Variants in ABCA2 observed in about 807,000 individuals in gnomAD.
ABCA2 encodes the protein ATP-binding cassette sub-family A member 2.
Under a neutral mutation model 262.8 loss-of-function variants are expected in ABCA2, and 84 were observed. The ratio of observed to expected loss-of-function variants is 0.32; its 90% CI spans 0.27 to 0.38. The LOEUF (loss-of-function observed/expected upper bound fraction) is 0.38. Among genes scored for constraint, ABCA2 ranks in the 10% least tolerant of loss-of-function variants. The pLI is 1.00. For missense variants in ABCA2, 2,662 were observed against 3,405.9 expected, an observed-to-expected ratio of 0.78 and a Z score of 5.44; for synonymous variants, 1,696 against 1,502.9, an observed-to-expected ratio of 1.13 and a Z score of -2.97.
chr9:137,012,738 G>C lies in ABCA2; in HGVS notation c.5055C>G (p.Phe1685Leu). ...TGHNVSEYLL[F>L]TSDRFRLHRY... is the part of the protein sequence containing the mutation. ...GGTGCAGTCGGAAGCGGTCGGAGGT[G>C]AAGAGCAGGTACTCAGAGACATTGT... Residue 1685 changes from phenylalanine (F) to leucine (L), a missense_variant, in exon 31 of 49, where the codon TTC becomes TTG. Phe to Leu is a conservative substitution (Grantham distance 22). This residue lies in a region of ABCA2 where 602 missense variants were observed against 897.4 expected (regional missense o/e 0.67). Transcript: ENST00000341511. The C allele has an allele frequency of 6.2e-7, 1 of 1,612,664 alleles. No individual in the cohort carries two copies. Among genetic ancestry groups the C allele is most frequent in the South Asian group, 1.1e-5 (1 of 91,080 alleles).
chr9:137,007,930 C>T lies in ABCA2; in HGVS notation c.7310G>A (p.Ter2437=), dbSNP rs1453419092. Reference sequence around the variant, plus strand: ...CCTCCCTGGCCCAGCTCTGGGTGGTCAGCAGAGCGTGTCCGTGTTGAAGGA... The same window carrying T: ...CCTCCCTGGCCCAGCTCTGGGTGGTTAGCAGAGCGTGTCCGTGTTGAAGGA... The part of the protein sequence containing the change: ...QLSFNTDTLC[*] Residue 2437 remains the stop codon, a stop_retained_variant, in exon 49 of 49, where the codon TGA becomes TAA. Coordinates refer to ENST00000341511, the MANE Select transcript of ABCA2 (RefSeq NM_001606.5). 5.0e-6 allele frequency: 8 copies of T among 1,605,674 alleles called. No homozygotes were observed. Among genetic ancestry groups the T allele is most frequent in the South Asian group, 1.1e-5 (1 of 91,024 alleles).
In ABCA2 at chr9:137,011,322, C is replaced by T. The variant is rs199568774; in HGVS notation, c.5800-13G>A. ...CAACCTTCAGGTCCTGCGGGGTGGC[C>T]GGGGTCAGGGGCACAGGGGTGGCCG... is the stretch of plus-strand genomic sequence containing the variant. On this transcript the variant is annotated splice_polypyrimidine_tract_variant and intron_variant, in intron 37 of 48. Transcript: ENST00000341511. The surrounding 1 kb of genome is among the most constrained non-coding windows in gnomAD (Gnocchi z 8.8). 3.0e-5 allele frequency: 48 copies of T among 1,596,164 alleles called. No individual in the cohort carries two copies. Among genetic ancestry groups the T allele is most frequent in the African/African-American group, 1.5e-4 (11 of 74,628 alleles).
chr9:137,024,167 T>G lies in ABCA2; in HGVS notation c.136A>C (p.Lys46Gln), dbSNP rs772050630. Reference sequence around the variant, plus strand: ...CCTTCCTTCACGGAGATGGTGGGCTTCTTCTGTCGCAGCCCCAGCAGGATA... The same window carrying G: ...CCTTCCTTCACGGAGATGGTGGGCTGCTTCTGTCGCAGCCCCAGCAGGATA... The part of the protein sequence containing the change: ...FFILLGLRQK[K>Q]PTISVKEVSF... Residue 46 changes from lysine to glutamine, a missense_variant, in exon 2 of 49, where the codon AAG (lysine) becomes CAG (glutamine). Around this residue, in one of 12 missense-constraint regions of ABCA2, gnomAD observed 101 missense variants for 152.3 expected, o/e 0.66. Coordinates refer to ENST00000341511, the MANE Select transcript of ABCA2 (RefSeq NM_001606.5). The G allele has an allele frequency of 4.3e-6, 7 of 1,611,328 alleles. No individual in the cohort carries two copies. Among genetic ancestry groups the G allele is most frequent in the East Asian group, 2.2e-5 (1 of 44,838 alleles).
Position 137,012,061 on chromosome 9 carries a change from T to C in ABCA2, c.5360+41A>G, listed in dbSNP as rs2271863. 0.7 allele frequency: 1,130,198 copies of C among 1,612,036 alleles called. 397,819 individuals carry two copies. Among genetic ancestry groups the C allele is most frequent in the East Asian group, 0.81 (36,326 of 44,856 alleles). On this transcript the variant is annotated intron_variant, in intron 34 of 48. Coordinates refer to ENST00000341511, the MANE Select transcript of ABCA2 (RefSeq NM_001606.5). Reference sequence around the variant, plus strand: ...TCAGTCCTCACGGCCGGGGCTGCAGTGCCCACCTGCCCCACCTCATCCCCC... The same window carrying C: ...TCAGTCCTCACGGCCGGGGCTGCAGCGCCCACCTGCCCCACCTCATCCCCC...
At position 137,016,088 on chromosome 9, in the gene ABCA2, C is replaced by T; in HGVS notation, c.3191G>A (p.Arg1064His). 1 of 1,612,860 alleles carries T rather than the reference C, an allele frequency of 6.2e-7. No individual in the cohort carries two copies. The highest frequency in any genetic ancestry group is 8.5e-7 in the Non-Finnish European group (1 of 1,180,006). The change falls in exon 22 of 49, where the codon CGC (arginine) becomes CAC (histidine). Residue 1064 changes from arginine (R) to histidine (H), a missense_variant. Arg to His is a conservative substitution (Grantham distance 29). Around this residue, in one of 12 missense-constraint regions of ABCA2, gnomAD observed 180 missense variants for 307.3 expected, o/e 0.59. Transcript: ENST00000341511. Reference protein sequence around the residue: ...HDIRTEMDEIRKNLGMCPQHN... With the variant: ...HDIRTEMDEIHKNLGMCPQHN... ...CTGCGGGCACATGCCCAGGTTCTTG[C>T]GGATCTCATCCATCTCCGTGCGGAT...
chr9:137,024,673 C>T (rs150995846), intron 1 of ABCA2, among the ~76,000 whole-genome samples: 3 of 152,374 alleles, frequency 2.0e-5, no homozygotes, highest in African/African-American at 7.2e-5. Context: ...TTCCTCCCCA[C>T]CAATACCGGG....
chr9:137,028,909 G>A (rs1254758859), upstream of ABCA2: 2 of 1,291,874 alleles, frequency 1.5e-6, no homozygotes, highest in Non-Finnish European at 2.0e-6. The surrounding 1 kb of genome is among the most constrained non-coding windows in gnomAD (Gnocchi z 6.9). Flanking sequence ...GGGAGTTCGG[G>A]ATCAGGCGGT....
At chr9:137,023,969 C>T (rs1831566135) in intron 2 of ABCA2, 129 bp from the exon 3 acceptor site, 13 of 1,528,366 alleles carry the variant, frequency 8.5e-6, no homozygotes, top group Admixed American at 4.0e-5. Flanking sequence ...CACAGGCCAG[C>T]CCCGACCTCC....
rs766100660 is a variant in ABCA2 at position 137,023,604 on chromosome 9, G to A, written c.163+234C>T. ...AGGCAAGGCCAGGCAGAGAGATGCC[G>A]CCTCAGCTTGACCCAGGCACCAGCT... On this transcript the variant is annotated intron_variant, in intron 3 of 48. Coordinates refer to ENST00000341511, the MANE Select transcript of ABCA2 (RefSeq NM_001606.5). 3.0e-5 allele frequency: 22 copies of A among 723,592 alleles called. 1 individual carries two copies. Among genetic ancestry groups the A allele is most frequent in the South Asian group, 1.6e-4 (11 of 69,766 alleles). The allele number at this position is 723,592 out of a possible 1,614,324, so 44.8% of individuals were successfully genotyped here. A position where few individuals can be genotyped will look rare whatever the true frequency, so the allele number is the denominator to read the frequency against.
rs369852558 is a variant in ABCA2, at chr9:137,010,185, C to A, written c.6353+8G>T. 60 of 1,598,950 alleles carry A rather than the reference C, an allele frequency of 3.8e-5. No homozygotes were observed. In the East Asian group the frequency reaches 7.4e-4, roughly 20 times the overall value. ...GGCGGCCCCGCCCACCCAGGGCTCC[C>A]GCCCCACCTGTGTCCATTGACGAAG... is the stretch of plus-strand genomic sequence containing the variant. On this transcript the variant is annotated splice_region_variant and intron_variant, in intron 41 of 48. Transcript: ENST00000341511.
rs773901290 is a variant in ABCA2, at chr9:137,013,273, C to A, written c.4596G>T (p.Thr1532=). ...CACCCACCCCCGACGGCAGCCGGAACGTGCTCACGAGCTGCTGGGGGCTGG... is the reference window on the plus strand; with the variant it reads ...CACCCACCCCCGACGGCAGCCGGAAAGTGCTCACGAGCTGCTGGGGGCTGG... ...PDASPQQLVS[T]FRLPSGVGAT... is the part of the protein sequence containing the mutation. The change falls in exon 30 of 49, where the codon ACG becomes ACT. Residue 1532 remains threonine, a synonymous_variant. Transcript: ENST00000341511. The A allele has an allele frequency of 5.0e-6, 8 of 1,587,030 alleles. No homozygotes were observed. Among genetic ancestry groups the A allele is most frequent in the South Asian group, 1.1e-5 (1 of 88,864 alleles).
At position 137,011,825 on chromosome 9, in the gene ABCA2, A is replaced by G. The variant is rs756264561; in HGVS notation, c.5535+19T>C. 6.4e-7 allele frequency: 1 copy of G among 1,564,646 alleles called. No homozygotes were observed. Among genetic ancestry groups the G allele is most frequent in the Non-Finnish European group, 8.7e-7 (1 of 1,155,688 alleles). ...GGGATGAGAAGGGCCGGGGCACCCCATGGCCACGCCGGGCGCACCATGTCC... is the reference window on the plus strand; with the variant it reads ...GGGATGAGAAGGGCCGGGGCACCCCGTGGCCACGCCGGGCGCACCATGTCC... On this transcript the variant is annotated intron_variant, in intron 35 of 48. Coordinates refer to ENST00000341511, the MANE Select transcript of ABCA2 (RefSeq NM_001606.5). This position sits in a 1 kb window ranked among gnomAD's most constrained non-coding sequence, Gnocchi z 8.8.
upstream of ABCA2, chr9:137,028,779 G>T: frequency 7.7e-7 from 1 of 1,292,350 alleles, no homozygotes. This position sits in a 1 kb window ranked among gnomAD's most constrained non-coding sequence, Gnocchi z 6.9. Context: ...CAGCGGAAGG[G>T]GGGAAACTCG....
Position 137,023,024 on chromosome 9 carries a change from A to G in ABCA2, c.192T>C (p.Ser64=), listed in dbSNP as rs779463658. ...VSFYTAAPLT[S]AGILPVMQSL... ...ATTGCATGACAGGCAGGATGCCGGCAGACGTCAGGGGCGCCGCTGTGTAGA... is the reference window on the plus strand; with the variant it reads ...ATTGCATGACAGGCAGGATGCCGGCGGACGTCAGGGGCGCCGCTGTGTAGA... The change falls in exon 4 of 49, where the codon TCT becomes TCC. Residue 64 remains serine, a synonymous_variant. Coordinates refer to ENST00000341511, the MANE Select transcript of ABCA2 (RefSeq NM_001606.5). 4 of 1,593,142 alleles carry G rather than the reference A, an allele frequency of 2.5e-6. No homozygotes were observed. Among genetic ancestry groups the G allele is most frequent in the Middle Eastern group, 3.3e-4 (2 of 5,992 alleles).
At position 137,017,797 on chromosome 9, in the gene ABCA2, C is replaced by G. The variant is rs1343370561; in HGVS notation, c.2201G>C (p.Arg734Pro). 6.2e-7 allele frequency: 1 copy of G among 1,612,360 alleles called. No homozygotes were observed. The highest frequency in any genetic ancestry group is 1.3e-5 in the African/African-American group (1 of 74,932). The change falls in exon 16 of 49, where the codon CGG (arginine) becomes CCG (proline). Residue 734 changes from arginine to proline, a missense_variant. Physicochemically the swap from Arg to Pro is moderately radical, Grantham distance 103. Around this residue, in one of 12 missense-constraint regions of ABCA2, gnomAD observed 188 missense variants for 343.4 expected, o/e 0.55. Coordinates refer to ENST00000341511, the MANE Select transcript of ABCA2 (RefSeq NM_001606.5). ...IQHIVAEKEH[R>P]LKEVMKTMGL... is the part of the protein sequence containing the mutation. The stretch of plus-strand genomic sequence containing the variant: ...TCCCGGCCCGCGCACCTCCTTGAGC[C>G]GGTGCTCCTTCTCCGCCACGATGTG...
At chr9:137,010,887 G>GGCCC in intron 39 of ABCA2, 86 bp downstream of exon 39, 1 of 497,016 alleles carries the variant, frequency 2.0e-6, no homozygotes, top group Non-Finnish European at 3.2e-6. Flanking sequence ...CCCCATCCCT[G>GGCCC]CCCCCACCCC....
Position 137,011,361 on chromosome 9 carries a change from A to G in ABCA2, c.5799+46T>C. The G allele has an allele frequency of 1.2e-6, 2 of 1,604,958 alleles. No homozygotes were observed. The highest frequency in any genetic ancestry group is 1.7e-6 in the Non-Finnish European group (2 of 1,175,300). Reference sequence around the variant, plus strand: ...CAGGGGTGGCCGGGGTGAGGGGCACAGCCTCCGCAGGGTCCGCCACCCCCA... The same window carrying G: ...CAGGGGTGGCCGGGGTGAGGGGCACGGCCTCCGCAGGGTCCGCCACCCCCA... On this transcript the variant is annotated intron_variant, in intron 37 of 48. Coordinates refer to ENST00000341511, the MANE Select transcript of ABCA2 (RefSeq NM_001606.5). The surrounding 1 kb of genome is among the most constrained non-coding windows in gnomAD (Gnocchi z 8.8).
chr9:137,017,501 C>T lies in ABCA2; in HGVS notation c.2402+1G>A. 1 of 1,606,446 alleles carries T rather than the reference C, an allele frequency of 6.2e-7. No homozygotes were observed. The highest frequency in any genetic ancestry group is 8.5e-7 in the Non-Finnish European group (1 of 1,174,854). On this transcript the variant is annotated splice_donor_variant, in intron 17 of 48. Transcript: ENST00000341511. LOFTEE classifies it high-confidence loss of function. ...TCCCTCCTACCATGGCCCGCGCTCA[C>T]CAGAACATGATGGTGGCCACCGCGT... is the stretch of plus-strand genomic sequence containing the variant.
chr9:137,015,093 T>C lies in ABCA2; in HGVS notation c.3702A>G (p.Pro1234=), dbSNP rs1831209123. ...GACCTGGGGGGCTGGATGCCAGCCC[T>C]GGCTCTGTGGGGGACGTGGGAGCAG... The part of the protein sequence containing the change: ...RPAEPGGPQE[P]GLASSPPGRA... The change falls in exon 25 of 49, where the codon CCA becomes CCG. Residue 1234 remains proline (P), a synonymous_variant. Coordinates refer to ENST00000341511, the MANE Select transcript of ABCA2 (RefSeq NM_001606.5). 5.7e-6 allele frequency: 9 copies of C among 1,582,250 alleles called. No individual in the cohort carries two copies. Among genetic ancestry groups the C allele is most frequent in the Non-Finnish European group, 7.7e-6 (9 of 1,166,602 alleles).
Sources: allele counts gnomAD v4.1 joint callset (sites outside exome capture counted in the v4.1 genomes callset), GRCh38; gene constraint gnomAD v4.1.1; regional missense constraint gnomAD v4.1.1; non-coding constraint Gnocchi (gnomAD v3.1); transcripts MANE v1.5; gene names NCBI Gene and HGNC (gene_info 2026-07-23, HGNC 2026-07-21).